PTCHD4: variants seen among roughly 807,000 people sequenced by gnomAD.
PTCHD4 encodes the protein patched domain containing 4.
A neutral mutation model predicts 58.1 loss-of-function variants in PTCHD4; 33 were observed. That is an observed-to-expected ratio of 0.57 (90% CI 0.43 to 0.76). PTCHD4 has a LOEUF of 0.76. Among genes scored for constraint, PTCHD4 ranks in the 30% least tolerant of loss-of-function variants. PTCHD4 has a pLI of 0.00. For missense variants in PTCHD4, 1,058 were observed against 1,027.1 expected, an observed-to-expected ratio of 1.03 and a Z score of -0.41; for synonymous variants, 478 against 409.6, an observed-to-expected ratio of 1.17 and a Z score of -2.02.
intron 4 of PTCHD4, among the ~76,000 whole-genome samples, chr6:47,909,946 C>T (rs746956384): frequency 7.2e-5 from 11 of 152,134 alleles, no homozygotes; most frequent in East Asian, 3.9e-4. Flanking sequence ...GGGAAAACTT[C>T]GTAATAACTT....
intron 1 of PTCHD4, among the ~76,000 whole-genome samples, chr6:48,094,535 G>T (rs1027079335): frequency 1.3e-5 from 2 of 152,204 alleles, no homozygotes; most frequent in Admixed American, 6.5e-5. Context: ...AGCACTGACA[G>T]AACATTAGAA....
intron 3 of PTCHD4, among the ~76,000 whole-genome samples, chr6:48,038,068 A>T (rs1435520043): frequency 1.3e-5 from 2 of 152,064 alleles, no homozygotes; most frequent in African/African-American, 2.4e-5. Context: ...AAAGACTAAA[A>T]CTAATACTTA....
intron 1 of PTCHD4, among the ~76,000 whole-genome samples, chr6:48,104,290 C>G (rs1765671442): frequency 6.6e-6 from 1 of 152,080 alleles, no homozygotes; most frequent in Admixed American, 6.6e-5. Context: ...GAGTGGAGGC[C>G]AATATTCAAC....
intron 4 of PTCHD4, among the ~76,000 whole-genome samples, chr6:47,994,807 T>A (rs1397390281): frequency 6.6e-6 from 1 of 152,170 alleles, no homozygotes; most frequent in African/African-American, 2.4e-5. Context: ...AGATGGCATG[T>A]TGGTAATGGC....
chr6:48,076,165 T>C (rs986798688), intron 1 of PTCHD4, among the ~76,000 whole-genome samples: 2 of 152,250 alleles, frequency 1.3e-5, no homozygotes, highest in Non-Finnish European at 1.5e-5. Flanking sequence ...TTTGCTCATC[T>C]ATAGGAAACA....
rs544426815 is a variant in PTCHD4, at chr6:48,060,596, C to T, written c.417+7634G>A. Among the ~76,000 whole-genome samples, 8 of 152,300 alleles carry T rather than the reference C, an allele frequency of 5.3e-5. No homozygotes were observed. In the East Asian group the frequency reaches 1.4e-3, roughly 26 times the overall value. ...TCAAGGCATCCTTCTACCTCTGCCT[C>T]TCAAGTAGCTGTGTCCACAGGTGTG... is the stretch of plus-strand genomic sequence containing the variant. On this transcript the variant is annotated intron_variant, in intron 3 of 4. Coordinates refer to ENST00000339488, the MANE Select transcript of PTCHD4 (RefSeq NM_001384253.1).
At chr6:48,097,616 A>T (rs1765501566) in intron 1 of PTCHD4, among the ~76,000 whole-genome samples, 1 of 152,178 alleles carries the variant, frequency 6.6e-6, no homozygotes, top group Non-Finnish European at 1.5e-5. Flanking sequence ...TAAATCAGCA[A>T]GGTTTCACTG....
At chr6:47,894,896 C>T (rs529486280) in intron 4 of PTCHD4, among the ~76,000 whole-genome samples, 7 of 152,170 alleles carry the variant, frequency 4.6e-5, no homozygotes, top group Non-Finnish European at 8.8e-5. Context: ...CTTTGGGAGG[C>T]TGAGGCAGGT....
At chr6:47,902,653 A>T (rs1321173432) in intron 4 of PTCHD4, among the ~76,000 whole-genome samples, 1 of 152,234 alleles carries the variant, frequency 6.6e-6, no homozygotes, top group Non-Finnish European at 1.5e-5. Flanking sequence ...AAAAATTTCA[A>T]GTAATTTTTC....
chr6:48,036,321 G>A (rs1372695997), intron 3 of PTCHD4, among the ~76,000 whole-genome samples: 1 of 152,102 alleles, frequency 6.6e-6, no homozygotes, highest in Non-Finnish European at 1.5e-5. Context: ...TGAGGGAGCA[G>A]AAAATTACAG....
intron 3 of PTCHD4, among the ~76,000 whole-genome samples, chr6:48,035,476 A>G (rs1763600662): frequency 6.6e-6 from 1 of 152,136 alleles, no homozygotes; most frequent in South Asian, 2.1e-4. Context: ...ATTATGAATC[A>G]GAAAAAGGGG....
At chr6:48,104,690 C>G (rs888611164) in intron 1 of PTCHD4, among the ~76,000 whole-genome samples, 3 of 152,090 alleles carry the variant, frequency 2.0e-5, no homozygotes, top group African/African-American at 7.2e-5. Context: ...CATCAGTGTG[C>G]TGTATTCAGG....
intron 3 of PTCHD4, among the ~76,000 whole-genome samples, chr6:48,059,563 C>T (rs529512575): frequency 3.3e-5 from 5 of 152,026 alleles, no homozygotes; most frequent in South Asian, 2.1e-4. Flanking sequence ...CACTTGAACC[C>T]GGGAGGCAGA....
chr6:47,915,571 A>ATT (rs35234678), intron 4 of PTCHD4, among the ~76,000 whole-genome samples: 2,323 of 144,570 alleles, frequency 0.016, 56 homozygotes, highest in East Asian at 0.094. Flanking sequence ...TAGAAGACAG[A>ATT]TTTTTTTTTT....
rs1166515393 is a variant in PTCHD4 at position 47,861,040 on chromosome 6, C to T, written c.*17263G>A. 1.3e-5 allele frequency among the ~76,000 whole-genome samples: 2 copies of T among 151,934 alleles called. No homozygotes were observed. The highest frequency in any genetic ancestry group is 6.6e-5 in the Admixed American group (1 of 15,232). Reference sequence around the variant, plus strand: ...CTCTCTAATCATTATTTTAGTGGAACATTTCAATCGCAGTCTAATTATTGA... The same window carrying T: ...CTCTCTAATCATTATTTTAGTGGAATATTTCAATCGCAGTCTAATTATTGA... On this transcript the variant is annotated 3_prime_UTR_variant, in exon 5 of 5. Coordinates refer to ENST00000339488, the MANE Select transcript of PTCHD4 (RefSeq NM_001384253.1).
Position 47,879,596 on chromosome 6 carries a change from A to T in PTCHD4, c.1239T>A (p.Asp413Glu). ...CTGTCTGGAACCACACAGGTTTGCGATCCAGGTATTCTGCAGAAGGGATCT... is the reference window on the plus strand; with the variant it reads ...CTGTCTGGAACCACACAGGTTTGCGTTCCAGGTATTCTGCAGAAGGGATCT... ...CCKIPSAEYL[D>E]RKPVWFQTVM... Residue 413 changes from aspartate to glutamate, a missense_variant, in exon 5 of 5, where the codon GAT becomes GAA. Coordinates refer to ENST00000339488, the MANE Select transcript of PTCHD4 (RefSeq NM_001384253.1). The T allele has an allele frequency of 1.2e-6, 2 of 1,613,758 alleles. No individual in the cohort carries two copies. The highest frequency in any genetic ancestry group is 1.7e-6 in the Non-Finnish European group (2 of 1,179,784).
At chr6:47,882,245 G>T (rs1425475481) in intron 4 of PTCHD4, among the ~76,000 whole-genome samples, 1 of 152,028 alleles carries the variant, frequency 6.6e-6, no homozygotes, top group African/African-American at 2.4e-5. Flanking sequence ...GCTAAATTTG[G>T]CTTGCCTTTG....
chr6:47,901,318 G>A (rs938956783), intron 4 of PTCHD4: 10 of 461,482 alleles, frequency 2.2e-5, no homozygotes, highest in African/African-American at 2.1e-4. Flanking sequence ...CCTTCCTTGT[G>A]ATGTTTTTGT....
At chr6:47,898,650 G>C (rs372452197) in intron 4 of PTCHD4, among the ~76,000 whole-genome samples, 2 of 152,180 alleles carry the variant, frequency 1.3e-5, no homozygotes, top group Admixed American at 6.6e-5. Context: ...GAGTTGATCA[G>C]TTTGCTTGTG....
Sources: allele counts gnomAD v4.1 joint callset (sites outside exome capture counted in the v4.1 genomes callset), GRCh38; gene constraint gnomAD v4.1.1; transcripts MANE v1.5; gene names NCBI Gene and HGNC (gene_info 2026-07-23, HGNC 2026-07-21).